Variants in KCNH1 observed in about 807,000 individuals in gnomAD.
The protein encoded by KCNH1 is voltage-gated delayed rectifier potassium channel KCNH1.
Under a neutral mutation model 69.2 loss-of-function variants are expected in KCNH1, and 27 were observed. That is an observed-to-expected ratio of 0.39 (90% CI 0.29 to 0.54). The LOEUF (loss-of-function observed/expected upper bound fraction) is 0.54. Ranked by LOEUF, KCNH1 falls within the 20% of genes least tolerant of loss-of-function variation. The pLI, the probability that KCNH1 is intolerant of heterozygous loss-of-function variation, is 0.68. For synonymous variants in KCNH1, 456 were observed against 487.7 expected, an observed-to-expected ratio of 0.93 and a Z score of 0.86; for missense variants, 798 against 1,261.6, an observed-to-expected ratio of 0.63 and a Z score of 5.57.
At chr1:210,730,249 G>A (rs997127677) in intron 10 of KCNH1, among the ~76,000 whole-genome samples, 1 of 152,128 alleles carries the variant, frequency 6.6e-6, no homozygotes, top group Non-Finnish European at 1.5e-5. Context: ...GCTGCCTAAG[G>A]CTAGGCAGGA....
intron 7 of KCNH1, among the ~76,000 whole-genome samples, chr1:210,878,014 G>A (rs576715805): frequency 1.3e-5 from 2 of 152,124 alleles, no homozygotes; most frequent in African/African-American, 4.8e-5. Context: ...ATTTATGTGG[G>A]TTGGCCATAT....
At chr1:210,844,363 A>G (rs1159976146) in intron 7 of KCNH1, among the ~76,000 whole-genome samples, 1 of 152,170 alleles carries the variant, frequency 6.6e-6, no homozygotes, top group East Asian at 1.9e-4. Flanking sequence ...TCTACTAAAA[A>G]TACAAAAAAA....
Position 210,891,073 on chromosome 1 carries a change from A to T in KCNH1, c.1462+28567T>A, listed in dbSNP as rs112016288. Among the ~76,000 whole-genome samples the T allele has an allele frequency of 1.8e-3, 271 of 152,342 alleles. 4 individuals are homozygous for T. The highest frequency in any genetic ancestry group is 6.1e-3 in the African/African-American group (253 of 41,584). On this transcript the variant is annotated intron_variant, in intron 7 of 10. Coordinates refer to ENST00000271751, the MANE Select transcript of KCNH1 (RefSeq NM_172362.3). ...CCAAAGGATTATAAATCATGCTGCT[A>T]TAAAGTCACACGCACACGTATGTTT...
At chr1:211,041,498 T>C (rs953362730) in intron 5 of KCNH1, among the ~76,000 whole-genome samples, 2 of 152,206 alleles carry the variant, frequency 1.3e-5, no homozygotes, top group African/African-American at 2.4e-5. Context: ...CAATGTACCA[T>C]CCTGTCTCAC....
intron 6 of KCNH1, among the ~76,000 whole-genome samples, chr1:210,967,575 G>C (rs913451387): frequency 2.0e-5 from 3 of 152,028 alleles, no homozygotes; most frequent in Non-Finnish European, 4.4e-5. Flanking sequence ...CTAGTGACCT[G>C]TGATGCTACC....
chr1:211,115,705 A>ATATATATATATATATAT (rs1353743744), intron 1 of KCNH1, among the ~76,000 whole-genome samples: 3 of 80,376 alleles, frequency 3.7e-5, no homozygotes, highest in African/African-American at 6.6e-5. Flanking sequence ...ACTCCCCTAT[A>ATATATATATATATATAT]TATATATATA....
At chr1:210,881,040 C>T (rs1686483767) in intron 7 of KCNH1, among the ~76,000 whole-genome samples, 1 of 145,194 alleles carries the variant, frequency 6.9e-6, no homozygotes, top group Non-Finnish European at 1.5e-5. Flanking sequence ...TTTCTGGAAA[C>T]AGAGTCTCAC....
At chr1:210,889,617 C>G (rs969534214) in intron 7 of KCNH1, among the ~76,000 whole-genome samples, 2 of 152,204 alleles carry the variant, frequency 1.3e-5, no homozygotes, top group Admixed American at 1.3e-4. Context: ...GTCAAATTGT[C>G]TCTGTTTGCA....
chr1:210,900,837 T>C lies in KCNH1; in HGVS notation c.1462+18803A>G, dbSNP rs528413622. Among the ~76,000 whole-genome samples, 30 of 152,200 alleles carry C rather than the reference T, an allele frequency of 2.0e-4. 1 individual carries two copies. In the South Asian group the frequency reaches 5.8e-3, roughly 30 times the overall value. On this transcript the variant is annotated intron_variant, in intron 7 of 10. Transcript: ENST00000271751. ...AGTGCTTTGTTCTCCATTCTTCCCATCCTCCTTCTCCTCAACCTAGCCAGA... is the reference window on the plus strand; with the variant it reads ...AGTGCTTTGTTCTCCATTCTTCCCACCCTCCTTCTCCTCAACCTAGCCAGA...
At position 210,683,180 on chromosome 1, in the gene KCNH1, C is replaced by T. The variant is rs902828178; in HGVS notation, c.*101G>A. On this transcript the variant is annotated 3_prime_UTR_variant, in exon 11 of 11. Coordinates refer to ENST00000271751, the MANE Select transcript of KCNH1 (RefSeq NM_172362.3). This position sits in a 1 kb window ranked among gnomAD's most constrained non-coding sequence, Gnocchi z 5.7. ...GCCCCACTTTTTCTGTTAGGAAAAG[C>T]CTACTTGAAAATTGTTGGTCATGTG... 2.4e-5 allele frequency: 28 copies of T among 1,160,522 alleles called. No homozygotes were observed. The highest frequency in any genetic ancestry group is 3.4e-5 in the Non-Finnish European group (28 of 820,996). 71.9% of individuals were successfully genotyped at this position (1,160,522 alleles called of 1,614,324 possible).
At chr1:210,835,723 G>A (rs1685266547) in intron 7 of KCNH1, among the ~76,000 whole-genome samples, 3 of 152,134 alleles carry the variant, frequency 2.0e-5, no homozygotes, top group Admixed American at 2.0e-4. Flanking sequence ...ATCTTAATTG[G>A]TTCATTATTC....
intron 10 of KCNH1, among the ~76,000 whole-genome samples, chr1:210,754,059 C>T (rs1683341192): frequency 1.3e-5 from 2 of 151,820 alleles, no homozygotes; most frequent in African/African-American, 4.8e-5. Context: ...GGACTACAGG[C>T]GCCCGCCACT....
Position 210,808,925 on chromosome 1 carries a change from C to A in KCNH1, c.1463-4759G>T, listed in dbSNP as rs368434722. Among the ~76,000 whole-genome samples the A allele has an allele frequency of 1.4e-4, 21 of 152,022 alleles. 1 individual carries two copies. The highest frequency in any genetic ancestry group is 5.8e-4 in the East Asian group (3 of 5,184). ...ACTAAAAAAGCAAGAACGAACCTCC[C>A]AGTGCAGAAGGTGTTATGGATGCCT... On this transcript the variant is annotated intron_variant, in intron 7 of 10. Transcript: ENST00000271751.
chr1:210,911,031 T>G (rs1399070884), intron 7 of KCNH1, among the ~76,000 whole-genome samples: 1 of 151,946 alleles, frequency 6.6e-6, no homozygotes, highest in Non-Finnish European at 1.5e-5. Context: ...GTAAGTTAAC[T>G]GTGGAGAAAA....
chr1:211,078,643 C>A (rs979712478), intron 5 of KCNH1, among the ~76,000 whole-genome samples: 3 of 152,094 alleles, frequency 2.0e-5, no homozygotes, highest in Non-Finnish European at 4.4e-5. Flanking sequence ...ATTTATAGCA[C>A]TAAATGCCCA....
chr1:211,075,962 T>C (rs896742821), intron 5 of KCNH1, among the ~76,000 whole-genome samples: 3 of 152,202 alleles, frequency 2.0e-5, no homozygotes, highest in African/African-American at 7.2e-5. Context: ...CCCAAGCCCA[T>C]GGAGCCTTGC....
chr1:211,073,616 T>C (rs1265891195), intron 5 of KCNH1, among the ~76,000 whole-genome samples: 1 of 152,050 alleles, frequency 6.6e-6, no homozygotes, highest in East Asian at 1.9e-4. Flanking sequence ...TTCTAAATAA[T>C]ACATAGGCCA....
chr1:210,804,903 C>T (rs1466645370), intron 7 of KCNH1, among the ~76,000 whole-genome samples: 3 of 152,182 alleles, frequency 2.0e-5, no homozygotes, highest in Non-Finnish European at 4.4e-5. Flanking sequence ...TGAGACATAG[C>T]AAGTGTGTAC....
chr1:210,875,814 A>AT (rs1686363173), intron 7 of KCNH1, among the ~76,000 whole-genome samples: 1 of 152,226 alleles, frequency 6.6e-6, no homozygotes. Context: ...AAAAAAAAAA[A>AT]AAATAAATCA....
Sources: allele counts gnomAD v4.1 joint callset (sites outside exome capture counted in the v4.1 genomes callset), GRCh38; gene constraint gnomAD v4.1.1; non-coding constraint Gnocchi (gnomAD v3.1); transcripts MANE v1.5; gene names NCBI Gene and HGNC (gene_info 2026-07-23, HGNC 2026-07-21).